SERPINA6: variants seen among roughly 807,000 people sequenced by gnomAD.
SERPINA6 encodes the protein corticosteroid-binding globulin.
Under a neutral mutation model 26.4 loss-of-function variants are expected in SERPINA6, and 19 were observed. That is an observed-to-expected ratio of 0.72 (90% CI 0.50 to 1.06). The LOEUF (loss-of-function observed/expected upper bound fraction) is 1.06, where lower values mean the gene tolerates loss of function less well. Among genes scored for constraint, SERPINA6 ranks in the 50% least tolerant of loss-of-function variants. The probability of loss-of-function intolerance (pLI) is 0.00; values close to 1 mark genes in which losing one functional copy is unlikely to be tolerated. For missense variants in SERPINA6, 473 were observed against 504.0 expected (o/e 0.94, Z 0.59); for synonymous variants, 196 against 199.4 (o/e 0.98, Z 0.14).
chr14:94,309,644 G>T, intron 3 of SERPINA6, 92 bp downstream of exon 3: 1 of 1,467,430 alleles, frequency 6.8e-7, no homozygotes, highest in Non-Finnish European at 9.4e-7. Context: ...GTCCAGGGAA[G>T]GAAGGATGCC....
intron 4 of SERPINA6, 22 bp downstream of exon 4, chr14:94,306,049 G>T (rs372321219): frequency 9.3e-6 from 15 of 1,613,852 alleles, no homozygotes; most frequent in Non-Finnish European, 1.3e-5. Flanking sequence ...GGGAAGAAAA[G>T]GTGGGTTCCC....
At chr14:94,308,798 A>T (rs914384111) in intron 3 of SERPINA6, among the ~76,000 whole-genome samples, 1 of 152,150 alleles carries the variant, frequency 6.6e-6, no homozygotes, top group South Asian at 2.1e-4. Flanking sequence ...CATCCATCCA[A>T]CCATCCACCC....
chr14:94,319,646 C>T (rs1423135592), intron 1 of SERPINA6, among the ~76,000 whole-genome samples: 1 of 152,194 alleles, frequency 6.6e-6, no homozygotes, highest in Non-Finnish European at 1.5e-5. Flanking sequence ...GAATGAAATT[C>T]TGACATTTCC....
At chr14:94,307,725 C>T (rs1895463668) in intron 3 of SERPINA6, among the ~76,000 whole-genome samples, 1 of 152,204 alleles carries the variant, frequency 6.6e-6, no homozygotes, top group South Asian at 2.1e-4. Flanking sequence ...TGTACACACT[C>T]AAGCGTAGTT....
intron 3 of SERPINA6, 113 bp downstream of exon 3, chr14:94,309,623 C>T (rs1011597140): frequency 1.6e-6 from 2 of 1,284,418 alleles, no homozygotes; most frequent in Non-Finnish European, 2.2e-6. Context: ...AAACTGAGCC[C>T]TGGAGGGTGA....
intron 1 of SERPINA6, among the ~76,000 whole-genome samples, chr14:94,317,122 T>C (rs1050728541): frequency 5.3e-5 from 8 of 152,222 alleles, no homozygotes; most frequent in Admixed American, 2.0e-4. Flanking sequence ...TGGAGAACCC[T>C]GACTAATATA....
chr14:94,314,655 G>T lies in SERPINA6; in HGVS notation c.-7C>A. 1 of 1,612,064 alleles carries T rather than the reference G, an allele frequency of 6.2e-7. No homozygotes were observed. Among genetic ancestry groups the T allele is most frequent in the Admixed American group, 1.7e-5 (1 of 60,022 alleles). On this transcript the variant is annotated 5_prime_UTR_variant, in exon 2 of 5. In the 5' UTR this introduces an upstream ATG that the reference lacks. Transcript: ENST00000341584. ...TGTACAGGAGGAGTGGCATTGTCCA[G>T]TATAGCCAGGCCCTGCCAAATCAGA...
intron 2 of SERPINA6, among the ~76,000 whole-genome samples, chr14:94,311,266 C>A (rs901706707): frequency 2.0e-5 from 3 of 152,208 alleles, no homozygotes; most frequent in Non-Finnish European, 4.4e-5. Context: ...GTTCTCAAAT[C>A]ATCCTCCAAA....
At chr14:94,306,618 C>T (rs1257507561) in intron 3 of SERPINA6, among the ~76,000 whole-genome samples, 4 of 152,204 alleles carry the variant, frequency 2.6e-5, no homozygotes, top group African/African-American at 2.4e-5. Context: ...TCCCTGGCTC[C>T]AGCTGTGCCA....
At position 94,310,574 on chromosome 14, in the gene SERPINA6, T is replaced by G. The variant is rs572452573; in HGVS notation, c.614-568A>C. On this transcript the variant is annotated intron_variant, in intron 2 of 4. Transcript: ENST00000341584. ...AGGCCCTCAAGTCCCATCTACCATG[T>G]TCCAGGGTGCCACCATCCAGCTTGT... Among the ~76,000 whole-genome samples the G allele has an allele frequency of 9.8e-5, 15 of 152,290 alleles. No homozygotes were observed. In the South Asian group the frequency reaches 3.1e-3, roughly 32 times the overall value.
At chr14:94,314,704 G>A (rs1468903862) in intron 1 of SERPINA6, 37 bp from the exon 2 acceptor site, 1 of 1,595,198 alleles carries the variant, frequency 6.3e-7, no homozygotes, top group Non-Finnish European at 8.5e-7. Flanking sequence ...TGCTGTGGCA[G>A]TCTCTGAGTC....
chr14:94,310,598 G>GT (rs908038692), intron 2 of SERPINA6, among the ~76,000 whole-genome samples: 1 of 152,114 alleles, frequency 6.6e-6, no homozygotes, highest in Non-Finnish European at 1.5e-5. Flanking sequence ...CATCCAGCTT[G>GT]TTTTTTTGCC....
At chr14:94,319,018 T>C (rs1895648610) in intron 1 of SERPINA6, among the ~76,000 whole-genome samples, 1 of 152,256 alleles carries the variant, frequency 6.6e-6, no homozygotes, top group Non-Finnish European at 1.5e-5. Flanking sequence ...GTGGACATCT[T>C]TTCAGAGACA....
At chr14:94,312,656 C>T (rs1397577042) in intron 2 of SERPINA6, among the ~76,000 whole-genome samples, 1 of 152,212 alleles carries the variant, frequency 6.6e-6, no homozygotes, top group East Asian at 1.9e-4. Context: ...TCAGCCTCAC[C>T]ATCCTGCGAA....
intron 3 of SERPINA6, 146 bp downstream of exon 3, chr14:94,309,590 C>T: frequency 1.2e-6 from 1 of 857,096 alleles, no homozygotes; most frequent in Non-Finnish European, 1.9e-6. Context: ...AACTTACAGC[C>T]TTTGGGGGCC....
In SERPINA6 at chr14:94,314,453, A is replaced by C. The variant is rs1477689690; in HGVS notation, c.196T>G (p.Ser66Ala). Residue 66 changes from serine to alanine, a missense_variant, in exon 2 of 5, where the codon TCC becomes GCC. Transcript: ENST00000341584. ...AAGGCCATGGAGATGCTCACAGGGG[A>C]GATGAAAATGTTCTTTTTGGGACTC... The part of the protein sequence containing the change: ...ALSPKKNIFI[S>A]PVSISMALAM... 6.2e-7 allele frequency: 1 copy of C among 1,614,084 alleles called. No homozygotes were observed. The highest frequency in any genetic ancestry group is 2.2e-5 in the East Asian group (1 of 44,872).
At position 94,309,774 on chromosome 14, in the gene SERPINA6, C is replaced by T. The variant is rs1895498803; in HGVS notation, c.846G>A (p.Arg282=). 3 of 1,614,108 alleles carry T rather than the reference C, an allele frequency of 1.9e-6. No individual in the cohort carries two copies. The highest frequency in any genetic ancestry group is 2.5e-6 in the Non-Finnish European group (3 of 1,180,030). ...KMNTVIAALS[R]DTINRWSAGL... ...CTGCGGACCACCTGTTAATCGTGTC[C>T]CGGCTCAGTGCAGCGATGACTGTGT... The change falls in exon 3 of 5, where the codon CGG becomes CGA. Residue 282 remains arginine (R), a synonymous_variant. Coordinates refer to ENST00000341584, the MANE Select transcript of SERPINA6 (RefSeq NM_001756.4).
intron 3 of SERPINA6, among the ~76,000 whole-genome samples, chr14:94,307,717 T>C (rs890985447): frequency 1.3e-5 from 2 of 152,314 alleles, no homozygotes; most frequent in South Asian, 4.1e-4. Context: ...TATATATGTG[T>C]ACACACTCAA....
Position 94,305,080 on chromosome 14 carries a change from T to A in SERPINA6, c.1033-477A>T, listed in dbSNP as rs368915030. On this transcript the variant is annotated intron_variant, in intron 4 of 4. Coordinates refer to ENST00000341584, the MANE Select transcript of SERPINA6 (RefSeq NM_001756.4). ...TTGTTGTGATCAAAATTAGGAGGAGTTCTGAAGTCAGCAAAACGTCTGCCT... is the reference window on the plus strand; with the variant it reads ...TTGTTGTGATCAAAATTAGGAGGAGATCTGAAGTCAGCAAAACGTCTGCCT... Among the ~76,000 whole-genome samples the A allele has an allele frequency of 2.6e-5, 4 of 152,184 alleles. No homozygotes were observed. The East Asian group carries it at 7.7e-4, about 29-fold the overall frequency.
Sources: allele counts gnomAD v4.1 joint callset (sites outside exome capture counted in the v4.1 genomes callset), GRCh38; gene constraint gnomAD v4.1.1; transcripts MANE v1.5; gene names NCBI Gene and HGNC (gene_info 2026-07-23, HGNC 2026-07-21).